TACC2: variants seen among roughly 807,000 people sequenced by gnomAD.
The protein encoded by TACC2 is transforming acidic coiled-coil-containing protein 2.
In TACC2, 137 loss-of-function variants were observed where a neutral mutation model predicts 227.3. That is an observed-to-expected ratio of 0.60 (90% CI 0.52 to 0.69). The LOEUF is 0.69. Among genes scored for constraint, TACC2 ranks in the 30% least tolerant of loss-of-function variants. The pLI, the probability that TACC2 is intolerant of heterozygous loss-of-function variation, is 0.00. For missense variants in TACC2, 3,470 were observed against 3,694.4 expected (o/e 0.94, Z 1.57); for synonymous variants, 1,523 against 1,487.5 (o/e 1.02, Z -0.55).
intron 3 of TACC2, among the ~76,000 whole-genome samples, chr10:122,061,000 C>CAA (rs1168443960): frequency 7.6e-6 from 1 of 130,776 alleles, no homozygotes; most frequent in African/African-American, 3.3e-5. Context: ...GACTCCATCT[C>CAA]AAAAAAAAAA....
At chr10:122,135,643 A>G (rs2089462571) in intron 6 of TACC2, among the ~76,000 whole-genome samples, 1 of 152,202 alleles carries the variant, frequency 6.6e-6, no homozygotes, top group Non-Finnish European at 1.5e-5. Context: ...TGCCTCTGTA[A>G]AATACAGTCG....
chr10:122,123,491 G>A (rs1016474720), intron 5 of TACC2, among the ~76,000 whole-genome samples: 1 of 152,206 alleles, frequency 6.6e-6, no homozygotes. Flanking sequence ...CGCAGCTGGG[G>A]TCTGTGGGCC....
intron 7 of TACC2, among the ~76,000 whole-genome samples, chr10:122,168,337 T>C (rs1005186870): frequency 5.9e-5 from 9 of 152,224 alleles, no homozygotes; most frequent in African/African-American, 1.7e-4. Flanking sequence ...TGGATATTAC[T>C]GTTGGACACA....
At chr10:122,082,495 C>G (rs2079627810) in intron 3 of TACC2, 152 bp from the exon 4 acceptor site, 1 of 845,664 alleles carries the variant, frequency 1.2e-6, no homozygotes, top group Non-Finnish European at 1.9e-6. Flanking sequence ...GCAGGGGGCT[C>G]TCACAGAGAG....
intron 7 of TACC2, among the ~76,000 whole-genome samples, chr10:122,161,988 C>T (rs2092841202): frequency 6.6e-6 from 1 of 152,212 alleles, no homozygotes; most frequent in Non-Finnish European, 1.5e-5. Flanking sequence ...TCCTTGCCAC[C>T]AAGTGACATC....
intron 1 of TACC2, among the ~76,000 whole-genome samples, chr10:121,991,376 C>T (rs897725131): frequency 1.4e-4 from 22 of 152,204 alleles, no homozygotes; most frequent in South Asian, 4.1e-4. Flanking sequence ...TTGCGCTGTC[C>T]GCCACATGCT....
rs189703796 is a variant in TACC2 at position 122,086,295 on chromosome 10, C to T, written c.3795C>T (p.Gly1265=). Residue 1265 remains glycine (G), a synonymous_variant, in exon 4 of 23, where the codon GGC becomes GGT. Transcript: ENST00000369005. ...AVSSADPRAP[G]ESPCPVGEPP... ...CCTCTGCAGACCCCAGAGCTCCTGG[C>T]GAAAGCCCCTGTCCTGTAGGGGAGC... is the stretch of plus-strand genomic sequence containing the variant. The T allele has an allele frequency of 3.9e-5, 63 of 1,613,962 alleles. No homozygotes were observed. Among genetic ancestry groups the T allele is most frequent in the African/African-American group, 2.0e-4 (15 of 75,066 alleles).
At position 122,230,353 on chromosome 10, in the gene TACC2, GGAGTTA is replaced by G. The variant is rs767240818; in HGVS notation, c.8046_8051del (p.Leu2682_Glu2683del). On this transcript the variant is annotated inframe_deletion, in exon 16 of 23. Coordinates refer to ENST00000369005, the MANE Select transcript of TACC2 (RefSeq NM_206862.4). ...TTGCCCACACTCCCTGTGGGCAGGA[GGAGTTA>G]GAGTTTGCCATCATGCGGATAGAAG... 22 of 1,613,966 alleles carry G rather than the reference GGAGTTA, an allele frequency of 1.4e-5. No homozygotes were observed. Among genetic ancestry groups the G allele is most frequent in the Non-Finnish European group, 1.7e-5 (20 of 1,179,932 alleles).
At chr10:122,163,582 G>A (rs1359414856) in intron 7 of TACC2, 31 of 999,944 alleles carry the variant, frequency 3.1e-5, no homozygotes, top group Non-Finnish European at 3.6e-5. Flanking sequence ...ACACACAGGA[G>A]CCGGCTGCCG....
At position 122,082,804 on chromosome 10, in the gene TACC2, C is replaced by G; in HGVS notation, c.304C>G (p.Gln102Glu). 3 of 1,613,806 alleles carry G rather than the reference C, an allele frequency of 1.9e-6. No individual in the cohort carries two copies. The highest frequency in any genetic ancestry group is 2.5e-6 in the Non-Finnish European group (3 of 1,180,014). ...TTTGCTGCCCAGCCCACCACCGTCC[C>G]AGGAGCGAGAGCACCCCTCGTCCTC... The part of the protein sequence containing the change: ...GSLLPSPPPS[Q>E]EREHPSSSMP... The change falls in exon 4 of 23, where the codon CAG (glutamine) becomes GAG (glutamate). Residue 102 changes from glutamine to glutamate, a missense_variant. This residue lies in a region of TACC2 where 405 missense variants were observed against 389.6 expected (regional missense o/e 1.04). Transcript: ENST00000369005.
intron 7 of TACC2, among the ~76,000 whole-genome samples, chr10:122,169,259 A>C (rs2140018819): frequency 6.6e-6 from 1 of 152,398 alleles, no homozygotes; most frequent in African/African-American, 2.4e-5. Flanking sequence ...CCCACTGAGC[A>C]GGCTCAGATT....
chr10:122,062,481 T>G (rs868350398), intron 3 of TACC2, among the ~76,000 whole-genome samples: 3,588 of 151,636 alleles, frequency 0.024, 67 homozygotes, highest in Middle Eastern at 0.038. Flanking sequence ...TTTTGAATTT[T>G]TTTTTTTTTT....
intron 5 of TACC2, among the ~76,000 whole-genome samples, chr10:122,104,431 C>T (rs559738994): frequency 1.3e-4 from 20 of 151,838 alleles, no homozygotes; most frequent in Non-Finnish European, 2.2e-4. Context: ...TGCAGTGGTG[C>T]GATCTTGTCT....
chr10:122,047,837 C>G (rs550237656), intron 2 of TACC2, among the ~76,000 whole-genome samples: 2 of 152,198 alleles, frequency 1.3e-5, no homozygotes. Context: ...TGTTCTCTTT[C>G]CCCCACATTC....
At chr10:122,024,926 G>A (rs961995257) in intron 2 of TACC2, among the ~76,000 whole-genome samples, 2 of 152,130 alleles carry the variant, frequency 1.3e-5, no homozygotes, top group Admixed American at 6.6e-5. Context: ...TAAGATAAAC[G>A]CCCAAGTGTG....
chr10:122,139,047 C>T (rs2090130876), intron 6 of TACC2, among the ~76,000 whole-genome samples: 2 of 152,210 alleles, frequency 1.3e-5, no homozygotes, highest in South Asian at 2.1e-4. Context: ...GATGACCAGG[C>T]GTGGGGATTC....
At chr10:122,013,659 C>T (rs1956212157) in intron 1 of TACC2, among the ~76,000 whole-genome samples, 1 of 152,228 alleles carries the variant, frequency 6.6e-6, no homozygotes, top group Non-Finnish European at 1.5e-5. Context: ...ACCATGTCCT[C>T]CACTGACACA....
intron 1 of TACC2, among the ~76,000 whole-genome samples, chr10:122,017,123 C>T (rs1329803176): frequency 4.6e-5 from 7 of 152,082 alleles, no homozygotes; most frequent in Admixed American, 6.6e-5. Context: ...TTACAGCAGC[C>T]GGAGCTGACC....
At chr10:122,060,185 A>C (rs2076640538) in intron 3 of TACC2, among the ~76,000 whole-genome samples, 2 of 152,206 alleles carry the variant, frequency 1.3e-5, no homozygotes, top group Non-Finnish European at 2.9e-5. Context: ...CGAGGTGGGC[A>C]GGGGCCTGAT....
Sources: gnomAD v4.1 joint callset for allele counts (sites outside exome capture counted in the v4.1 genomes callset) on GRCh38, gnomAD v4.1.1 for gene constraint, gnomAD v4.1.1 regional missense constraint, MANE v1.5 for transcripts, NCBI Gene and HGNC (gene_info 2026-07-23, HGNC 2026-07-21) for gene names.